The following TVP23A variants were observed in gnomAD, a reference collection of about 807,000 sequenced individuals.
TVP23A encodes the protein trans-golgi network vesicle protein 23 homolog A.
In TVP23A, 21 loss-of-function variants were observed where a neutral mutation model predicts 31.7. The ratio of observed to expected loss-of-function variants is 0.66; its 90% CI spans 0.47 to 0.95. TVP23A has a LOEUF of 0.95. Among genes scored for constraint, TVP23A ranks in the 40% least tolerant of loss-of-function variants. The probability of loss-of-function intolerance (pLI) is 0.00; values close to 1 mark genes in which losing one functional copy is unlikely to be tolerated. For missense variants in TVP23A, 279 were observed against 255.6 expected (o/e 1.09, Z -0.62); for synonymous variants, 104 against 96.0 (o/e 1.08, Z -0.49).
Position 10,769,064 on chromosome 16 carries a change from A to C in TVP23A, c.*38T>G. 6.2e-7 allele frequency: 1 copy of C among 1,614,092 alleles called. No homozygotes were observed. Among genetic ancestry groups the C allele is most frequent in the Non-Finnish European group, 8.5e-7 (1 of 1,180,004 alleles). On this transcript the variant is annotated 3_prime_UTR_variant, in exon 8 of 8. Transcript: ENST00000299866. ...TTTTCCAGGAATCCAAGAGTTTTGTAATCTCCATCAGTCAAAAGAAGAGAA... is the reference window on the plus strand; with the variant it reads ...TTTTCCAGGAATCCAAGAGTTTTGTCATCTCCATCAGTCAAAAGAAGAGAA...
chr16:10,806,999 C>T (rs1311675106), intron 2 of TVP23A, among the ~76,000 whole-genome samples: 1 of 152,148 alleles, frequency 6.6e-6, no homozygotes, highest in Non-Finnish European at 1.5e-5. Context: ...CATGGACCTT[C>T]CTTAAAATTA....
rs1596597178 is a variant in TVP23A at position 10,818,298 on chromosome 16, C to T, written c.10-116G>A. ...GCACCCCACCGGGTTCCCAAGTGGA[C>T]CCTCCGAGCTGGCGGGGCCCCTCCG... On this transcript the variant is annotated intron_variant, in intron 1 of 7. Coordinates refer to ENST00000299866, the MANE Select transcript of TVP23A (RefSeq NM_001079512.4). This position sits in a 1 kb window ranked among gnomAD's most constrained non-coding sequence, Gnocchi z 4.7. The T allele has an allele frequency of 7.7e-7, 1 of 1,296,542 alleles. No homozygotes were observed. The highest frequency in any genetic ancestry group is 1.3e-5 in the South Asian group (1 of 77,088). 80.3% of individuals were successfully genotyped at this position (1,296,542 alleles called of 1,614,324 possible).
At chr16:10,789,790 C>T (rs2032991876) in intron 2 of TVP23A, among the ~76,000 whole-genome samples, 1 of 148,694 alleles carries the variant, frequency 6.7e-6, no homozygotes, top group African/African-American at 2.5e-5. Context: ...AAGATTGTGC[C>T]ACTGCACTCC....
Position 10,767,917 on chromosome 16 carries a change from C to A in TVP23A, c.*1185G>T, listed in dbSNP as rs763571135. On this transcript the variant is annotated 3_prime_UTR_variant, in exon 8 of 8. Transcript: ENST00000299866. The surrounding 1 kb of genome is among the most constrained non-coding windows in gnomAD (Gnocchi z 4.6). The stretch of plus-strand genomic sequence containing the variant: ...GTGGCCATTCTGTTTTCCTCTTGGA[C>A]TGAATTGTCTTCCGTTTGTTTCTTT... 1.9e-6 allele frequency: 3 copies of A among 1,603,206 alleles called. No homozygotes were observed. Among genetic ancestry groups the A allele is most frequent in the African/African-American group, 2.7e-5 (2 of 74,716 alleles).
chr16:10,780,133 T>G (rs1263319622), intron 2 of TVP23A, among the ~76,000 whole-genome samples: 1 of 151,440 alleles, frequency 6.6e-6, no homozygotes, highest in Non-Finnish European at 1.5e-5. Context: ...ATGAATAAAA[T>G]AAAATAAAGA....
exon 9 of TVP23A, chr16:10,761,394 A>G: frequency 6.2e-7 from 1 of 1,614,104 alleles, no homozygotes; most frequent in Non-Finnish European, 8.5e-7. Flanking sequence ...CCGGAAAGAA[A>G]TCAACTTCTG....
intron 2 of TVP23A, among the ~76,000 whole-genome samples, chr16:10,815,484 GCAAAC>G (rs1771054805): frequency 1.3e-5 from 2 of 152,152 alleles, no homozygotes; most frequent in African/African-American, 4.8e-5. Context: ...CTCCCACCCT[GCAAAC>G]CAGTGGTTTT....
chr16:10,811,542 C>T (rs1219685037), intron 2 of TVP23A, among the ~76,000 whole-genome samples: 1 of 151,972 alleles, frequency 6.6e-6, no homozygotes, highest in Non-Finnish European at 1.5e-5. Context: ...AGTGCTGGAA[C>T]TACAGGCATG....
chr16:10,789,124 G>A (rs976038332), intron 2 of TVP23A, among the ~76,000 whole-genome samples: 3 of 152,104 alleles, frequency 2.0e-5, no homozygotes, highest in African/African-American at 2.4e-5. Flanking sequence ...CACCGTGCCC[G>A]GACAAGAGCA....
At chr16:10,794,974 C>G (rs1264391083) in intron 2 of TVP23A, among the ~76,000 whole-genome samples, 5 of 152,014 alleles carry the variant, frequency 3.3e-5, no homozygotes, top group African/African-American at 1.2e-4. Context: ...GAACTCCAAT[C>G]TCCACTCAGA....
At chr16:10,757,813 G>A (rs1900659896), downstream of TVP23A, 37 of 1,576,570 alleles carry the variant, frequency 2.3e-5, no homozygotes, top group South Asian at 4.1e-4. This position sits in a 1 kb window ranked among gnomAD's most constrained non-coding sequence, Gnocchi z 4.1. Flanking sequence ...AAAAAAGAGG[G>A]AGTTGAAAGT....
chr16:10,801,541 T>G (rs768249073), intron 2 of TVP23A, among the ~76,000 whole-genome samples: 1 of 152,012 alleles, frequency 6.6e-6, no homozygotes, highest in Non-Finnish European at 1.5e-5. Flanking sequence ...ACTGCAACCT[T>G]CACCTCCTGG....
chr16:10,771,580 G>A, intron 6 of TVP23A, 90 bp downstream of exon 6: 1 of 1,503,370 alleles, frequency 6.7e-7, no homozygotes, highest in Non-Finnish European at 9.2e-7. Context: ...TGGCGGATAT[G>A]TTACATTACA....
intron 2 of TVP23A, among the ~76,000 whole-genome samples, chr16:10,796,012 C>T (rs1036072345): frequency 6.6e-6 from 1 of 152,020 alleles, no homozygotes; most frequent in African/African-American, 2.4e-5. Context: ...CAGCAAGCCT[C>T]ACAGAACAAC....
intron 6 of TVP23A, 109 bp downstream of exon 6, chr16:10,771,561 T>A: frequency 7.2e-7 from 1 of 1,385,246 alleles, no homozygotes; most frequent in Non-Finnish European, 1.0e-6. Flanking sequence ...CAATAAAACA[T>A]TGGCAGCCTG....
intron 6 of TVP23A, 44 bp from the exon 7 acceptor site, chr16:10,770,375 G>A (rs758619662): frequency 1.4e-5 from 21 of 1,539,056 alleles, no homozygotes; most frequent in African/African-American, 8.3e-5. Context: ...CCTTACACGC[G>A]AGTGGGGCGA....
chr16:10,758,198 C>T (rs1308507690), downstream of TVP23A, among the ~76,000 whole-genome samples: 1 of 152,180 alleles, frequency 6.6e-6, no homozygotes, highest in Non-Finnish European at 1.5e-5. Flanking sequence ...TCAGCCAGCA[C>T]AGTGATTCAC....
chr16:10,781,665 A>C (rs2032431030), intron 2 of TVP23A, among the ~76,000 whole-genome samples: 1 of 152,180 alleles, frequency 6.6e-6, no homozygotes, highest in South Asian at 2.1e-4. Flanking sequence ...ACCCGGGTTC[A>C]GCAAACTACA....
Position 10,767,635 on chromosome 16 carries a change from C to G in TVP23A, c.*1467G>C, listed in dbSNP as rs1358756339. ...ACCATGTGCATTCATGATCCTTTCA[C>G]TCAAAAGCTAATCTCTTAAAATGCA... On this transcript the variant is annotated 3_prime_UTR_variant, in exon 8 of 8. Coordinates refer to ENST00000299866, the MANE Select transcript of TVP23A (RefSeq NM_001079512.4). This position sits in a 1 kb window ranked among gnomAD's most constrained non-coding sequence, Gnocchi z 4.6. The G allele has an allele frequency of 2.3e-6, 1 of 432,110 alleles. No homozygotes were observed. 26.8% of individuals were successfully genotyped at this position (432,110 alleles called of 1,614,324 possible).
Sources: allele counts gnomAD v4.1 joint callset (sites outside exome capture counted in the v4.1 genomes callset), GRCh38; gene constraint gnomAD v4.1.1; non-coding constraint Gnocchi (gnomAD v3.1); transcripts MANE v1.5; gene names NCBI Gene and HGNC (gene_info 2026-07-23, HGNC 2026-07-21).